CSMD1: variants seen among roughly 807,000 people sequenced by gnomAD.
CSMD1 encodes the protein CUB and sushi domain-containing protein 1.
In CSMD1, 213 loss-of-function variants were observed where a neutral mutation model predicts 417.5. The observed-to-expected ratio is 0.51, with a 90% CI of 0.46 to 0.57. The LOEUF (loss-of-function observed/expected upper bound fraction) is 0.57. CSMD1 is among the 20% of genes least tolerant of loss of function. The pLI, the probability that CSMD1 is intolerant of heterozygous loss-of-function variation, is 0.00. For missense variants in CSMD1, 6,923 were observed against 4,529.7 expected, an observed-to-expected ratio of 1.53 and a Z score of -15.17; for synonymous variants, 2,862 against 1,736.8, an observed-to-expected ratio of 1.65 and a Z score of -16.11.
intron 2 of CSMD1, among the ~76,000 whole-genome samples, chr8:4,552,738 T>G (rs1008562358): frequency 3.3e-5 from 5 of 152,272 alleles, no homozygotes; most frequent in African/African-American, 9.6e-5. Context: ...AAAGTGAAAC[T>G]AGATAGGCAT....
At chr8:3,169,840 T>C (rs573110204) in intron 37 of CSMD1, among the ~76,000 whole-genome samples, 16 of 152,324 alleles carry the variant, frequency 1.1e-4, no homozygotes, top group African/African-American at 3.8e-4. Flanking sequence ...TGTCACTACA[T>C]GCCCAGACAT....
At chr8:4,353,657 C>T (rs1235932049) in intron 3 of CSMD1, among the ~76,000 whole-genome samples, 1 of 152,124 alleles carries the variant, frequency 6.6e-6, no homozygotes, top group Non-Finnish European at 1.5e-5. Flanking sequence ...CCTTCTCAAT[C>T]TGCCTTTACT....
intron 7 of CSMD1, among the ~76,000 whole-genome samples, chr8:3,682,477 C>G (rs1426118075): frequency 6.6e-6 from 1 of 152,146 alleles, no homozygotes; most frequent in South Asian, 2.1e-4. Context: ...AAATGCAAAT[C>G]ACAACCACAA....
chr8:3,989,698 G>A lies in CSMD1; in HGVS notation c.818+8205C>T, dbSNP rs570203896. Among the ~76,000 whole-genome samples, 23 of 152,250 alleles carry A rather than the reference G, an allele frequency of 1.5e-4. No homozygotes were observed. The South Asian group carries it at 3.5e-3, about 23-fold the overall frequency. ...ATACTGTGATACTCTAAAGAGATTC[G>A]AATCAGAAGAACTTAGATACTTGTA... On this transcript the variant is annotated intron_variant, in intron 5 of 69. Coordinates refer to ENST00000635120, the MANE Select transcript of CSMD1 (RefSeq NM_033225.6).
At chr8:4,691,558 G>C (rs1425457322) in intron 1 of CSMD1, among the ~76,000 whole-genome samples, 1 of 152,160 alleles carries the variant, frequency 6.6e-6, no homozygotes, top group African/African-American at 2.4e-5. Flanking sequence ...AATACCATTT[G>C]TTATGTTATC....
intron 7 of CSMD1, among the ~76,000 whole-genome samples, chr8:3,651,328 G>T (rs1372377667): frequency 6.6e-6 from 1 of 152,016 alleles, no homozygotes; most frequent in East Asian, 1.9e-4. Context: ...AACCAGACAA[G>T]ATCTAGTCCC....
At chr8:3,692,432 T>C (rs1483890293) in intron 7 of CSMD1, among the ~76,000 whole-genome samples, 1 of 147,524 alleles carries the variant, frequency 6.8e-6, no homozygotes, top group Non-Finnish European at 1.5e-5. Flanking sequence ...CAGACATTTA[T>C]ACTTTAACAA....
rs540098148 is a variant in CSMD1 at position 3,543,487 on chromosome 8, G to A, written c.1344+31458C>T. On this transcript the variant is annotated intron_variant, in intron 10 of 69. Coordinates refer to ENST00000635120, the MANE Select transcript of CSMD1 (RefSeq NM_033225.6). ...ATCTAGGCAAGCAGTGATGATTGCCGAGACTGGCAATTAACTGTGGAAATG... is the reference window on the plus strand; with the variant it reads ...ATCTAGGCAAGCAGTGATGATTGCCAAGACTGGCAATTAACTGTGGAAATG... 9.9e-5 allele frequency among the ~76,000 whole-genome samples: 15 copies of A among 152,272 alleles called. No individual in the cohort carries two copies. In the South Asian group the frequency reaches 1.2e-3, roughly 13 times the overall value.
At chr8:4,812,853 A>G (rs561600739) in intron 1 of CSMD1, among the ~76,000 whole-genome samples, 3 of 152,186 alleles carry the variant, frequency 2.0e-5, no homozygotes, top group Non-Finnish European at 4.4e-5. Context: ...ATTGTTATTG[A>G]TATGTTATCG....
intron 10 of CSMD1, among the ~76,000 whole-genome samples, chr8:3,537,992 T>A (rs1798274020): frequency 1.3e-5 from 2 of 152,226 alleles, no homozygotes; most frequent in Non-Finnish European, 2.9e-5. Context: ...TATCATATCC[T>A]CATTAGAGAA....
chr8:4,508,273 G>C (rs1396427376), intron 2 of CSMD1, among the ~76,000 whole-genome samples: 1 of 150,746 alleles, frequency 6.6e-6, no homozygotes, highest in Non-Finnish European at 1.5e-5. Flanking sequence ...GTCTCACTTT[G>C]CTAGATGCAT....
intron 5 of CSMD1, among the ~76,000 whole-genome samples, chr8:3,771,018 C>CTGTGTG (rs140421453): frequency 0.013 from 1,983 of 151,152 alleles, 20 homozygotes; most frequent in South Asian, 0.036. Context: ...GTCAGTGTGT[C>CTGTGTG]TGTGTGTGTG....
intron 1 of CSMD1, among the ~76,000 whole-genome samples, chr8:4,903,077 G>C (rs975985451): frequency 6.6e-6 from 1 of 151,664 alleles, no homozygotes; most frequent in African/African-American, 2.4e-5. Flanking sequence ...TCATGTATTA[G>C]ATATACGCAG....
chr8:3,504,556 G>C (rs1563101911), intron 10 of CSMD1, among the ~76,000 whole-genome samples: 1 of 152,134 alleles, frequency 6.6e-6, no homozygotes, highest in Non-Finnish European at 1.5e-5. Flanking sequence ...GGCACATTCT[G>C]CCACCATTTG....
chr8:4,961,674 G>A (rs1809495114), intron 1 of CSMD1, among the ~76,000 whole-genome samples: 2 of 151,928 alleles, frequency 1.3e-5, no homozygotes, highest in Non-Finnish European at 2.9e-5. Flanking sequence ...GTTGTATAGA[G>A]TAATTTTTAT....
intron 3 of CSMD1, among the ~76,000 whole-genome samples, chr8:4,174,983 C>T (rs187895005): frequency 6.6e-6 from 1 of 151,254 alleles, no homozygotes; most frequent in South Asian, 2.1e-4. Flanking sequence ...CTTTGAGATA[C>T]TTGCTGAATT....
intron 25 of CSMD1, among the ~76,000 whole-genome samples, chr8:3,297,854 G>A (rs996056283): frequency 1.3e-5 from 2 of 152,150 alleles, no homozygotes; most frequent in African/African-American, 2.4e-5. Context: ...GAAAAAAAAT[G>A]AGTAAAAATT....
intron 1 of CSMD1, among the ~76,000 whole-genome samples, chr8:4,834,789 T>C (rs1427784869): frequency 6.6e-6 from 1 of 150,788 alleles, no homozygotes; most frequent in Admixed American, 6.6e-5. Flanking sequence ...ACCCCGTCTC[T>C]ACTAAAAACA....
chr8:4,930,741 G>C (rs1480034294), intron 1 of CSMD1, among the ~76,000 whole-genome samples: 2 of 152,104 alleles, frequency 1.3e-5, no homozygotes, highest in African/African-American at 2.4e-5. Flanking sequence ...AGATACAAAA[G>C]GTTACCAGGT....
Sources: gnomAD v4.1 joint callset for allele counts (sites outside exome capture counted in the v4.1 genomes callset) on GRCh38, gnomAD v4.1.1 for gene constraint, MANE v1.5 for transcripts, NCBI Gene and HGNC (gene_info 2026-07-23, HGNC 2026-07-21) for gene names.